The following NEK5 variants were observed in gnomAD, a reference collection of about 807,000 sequenced individuals.
NEK5 encodes serine/threonine-protein kinase Nek5.
NEK5 carries 88 observed loss-of-function variants against 109.2 expected under a neutral mutation model. The observed-to-expected ratio is 0.81, with a 90% CI of 0.68 to 0.96. The LOEUF (loss-of-function observed/expected upper bound fraction) is 0.96. NEK5 is among the 40% of genes least tolerant of loss of function. The pLI is 0.00. For synonymous variants in NEK5, 283 were observed against 299.9 expected (o/e 0.94, Z 0.58); for missense variants, 834 against 920.7 (o/e 0.91, Z 1.22).
intron 23 of NEK5, among the ~76,000 whole-genome samples, chr13:52,043,752 C>T (rs927206601): frequency 3.9e-5 from 6 of 151,954 alleles, no homozygotes; most frequent in Non-Finnish European, 8.8e-5. Flanking sequence ...CACTTCACAC[C>T]TAGTAGATGG....
chr13:52,112,517 C>T, intron 4 of NEK5, 152 bp from the exon 5 acceptor site: 1 of 535,430 alleles, frequency 1.9e-6, no homozygotes, highest in Non-Finnish European at 3.4e-6. Flanking sequence ...TTTAACTTCT[C>T]CGTGCCTCAT....
At chr13:52,099,715 A>T (rs780463540) in intron 12 of NEK5, 28 bp downstream of exon 12, 10 of 1,605,624 alleles carry the variant, frequency 6.2e-6, no homozygotes, top group Non-Finnish European at 8.5e-6. Flanking sequence ...TAGCTAAAAA[A>T]CACAAAGGAG....
At chr13:52,076,021 C>T in intron 18 of NEK5, 42 bp downstream of exon 18, 1 of 1,265,206 alleles carries the variant, frequency 7.9e-7, no homozygotes, top group Non-Finnish European at 1.1e-6. Flanking sequence ...GCTCCCCAGC[C>T]AGCTATTTAA....
intron 13 of NEK5, 136 bp from the exon 14 acceptor site, chr13:52,089,449 C>G (rs1955229693): frequency 3.3e-6 from 2 of 600,444 alleles, no homozygotes; most frequent in South Asian, 2.2e-5. Flanking sequence ...AGAAGTAGTT[C>G]ACAGTTACAG....
chr13:52,040,745 TCCCTCC>T (rs1301940302), intron 23 of NEK5, among the ~76,000 whole-genome samples: 1 of 152,158 alleles, frequency 6.6e-6, no homozygotes, highest in Admixed American at 6.5e-5. Flanking sequence ...CCAACATTTA[TCCCTCC>T]AGAATGTCTT....
At chr13:52,117,322 C>T (rs1242544731) in intron 4 of NEK5, among the ~76,000 whole-genome samples, 1 of 152,168 alleles carries the variant, frequency 6.6e-6, no homozygotes, top group Non-Finnish European at 1.5e-5. Context: ...CTCTAAAAGA[C>T]AGAGGCTACA....
intron 23 of NEK5, among the ~76,000 whole-genome samples, chr13:52,047,699 G>A (rs1954471289): frequency 6.6e-6 from 1 of 151,698 alleles, no homozygotes; most frequent in African/African-American, 2.4e-5. Flanking sequence ...AAATTAGCCG[G>A]CCATGGTGGC....
intron 9 of NEK5, among the ~76,000 whole-genome samples, chr13:52,102,986 T>C (rs550786695): frequency 1.3e-5 from 2 of 152,368 alleles, no homozygotes; most frequent in African/African-American, 2.4e-5. Flanking sequence ...TGAGGTCATA[T>C]TGATATGAAA....
intron 3 of NEK5, among the ~76,000 whole-genome samples, chr13:52,121,184 G>A (rs1955963005): frequency 7.0e-6 from 1 of 143,832 alleles, no homozygotes; most frequent in African/African-American, 2.5e-5. Context: ...TTTAAGACAA[G>A]GTCTTGCTCT....
Position 52,065,489 on chromosome 13 carries a change from G to T in NEK5, c.1970C>A (p.Pro657His), listed in dbSNP as rs1954671897. The T allele has an allele frequency of 6.2e-7, 1 of 1,614,060 alleles. No individual in the cohort carries two copies. Among genetic ancestry groups the T allele is most frequent in the Non-Finnish European group, 8.5e-7 (1 of 1,179,870 alleles). ...ADITSTCPTG[P>H]DNGQVIVIEG... ...GACGCTAAGCACAGACTCACTGTCA[G>T]GCCCCGTGGGGCAGGTGGAGGTGAT... Residue 657 changes from proline (P) to histidine (H), a missense_variant, in exon 21 of 24, where the codon CCT becomes CAT. By Grantham distance (77) the Pro-to-His change is moderately conservative. Around this residue, in one of 2 missense-constraint regions of NEK5, gnomAD observed 777 missense variants for 824.7 expected, o/e 0.94. Coordinates refer to ENST00000684899, the MANE Select transcript of NEK5 (RefSeq NM_001365552.1).
At chr13:52,099,514 A>C (rs754085710) in intron 12 of NEK5, among the ~76,000 whole-genome samples, 2 of 152,202 alleles carry the variant, frequency 1.3e-5, no homozygotes, top group African/African-American at 2.4e-5. Context: ...TACCAAAAAT[A>C]CAAAAATTAG....
chr13:52,081,871 G>A (rs1172252603), intron 17 of NEK5, among the ~76,000 whole-genome samples: 10 of 152,156 alleles, frequency 6.6e-5, no homozygotes, highest in East Asian at 1.9e-4. Flanking sequence ...CATCTGAGCC[G>A]TGTTTTTATG....
rs560207979 is a variant in NEK5 at position 52,067,840 on chromosome 13, C to A, written c.1850-2231G>T. ...CCAAGTAGCTGAGATTACAGGTGTG[C>A]ACCACCACACCTGGCTAATTTTTGT... On this transcript the variant is annotated intron_variant, in intron 20 of 23. Transcript: ENST00000684899. Among the ~76,000 whole-genome samples, 20 of 152,074 alleles carry A rather than the reference C, an allele frequency of 1.3e-4. No homozygotes were observed. The East Asian group carries it at 1.7e-3, about 13-fold the overall frequency.
chr13:52,074,622 T>C lies in NEK5; in HGVS notation c.1722+1136A>G, dbSNP rs993522705. Among the ~76,000 whole-genome samples, 14 of 152,116 alleles carry C rather than the reference T, an allele frequency of 9.2e-5. No individual in the cohort carries two copies. In the South Asian group the frequency reaches 2.7e-3, roughly 29 times the overall value. On this transcript the variant is annotated intron_variant, in intron 19 of 23. Coordinates refer to ENST00000684899, the MANE Select transcript of NEK5 (RefSeq NM_001365552.1). ...AAAAGCAATTGCAACAAAAACAAAA[T>C]TGACAAGTGGAACCTAATTAAACTA...
rs1279525874 is a variant in NEK5, at chr13:52,065,555, C to T, written c.1904G>A (p.Gly635Glu). Residue 635 changes from glycine to glutamate, a missense_variant, in exon 21 of 24, where the codon GGA becomes GAA. Physicochemically the swap from Gly to Glu is moderately conservative, Grantham distance 98. Around this residue, in one of 2 missense-constraint regions of NEK5, gnomAD observed 777 missense variants for 824.7 expected, o/e 0.94. Transcript: ENST00000684899. ...AVGNRRQWDGGAPQTLLQMMA... is the reference protein window; with the variant it reads ...AVGNRRQWDGEAPQTLLQMMA... ...CATCTGCAGCAGAGTCTGAGGCGCTCCTCCATCCCACTGCCTCCTGTTTCC... is the reference window on the plus strand; with the variant it reads ...CATCTGCAGCAGAGTCTGAGGCGCTTCTCCATCCCACTGCCTCCTGTTTCC... The T allele has an allele frequency of 1.9e-6, 3 of 1,614,094 alleles. No homozygotes were observed. The highest frequency in any genetic ancestry group is 4.5e-5 in the East Asian group (2 of 44,888).
At chr13:52,039,531 G>A (rs1050039030) in intron 23 of NEK5, among the ~76,000 whole-genome samples, 1 of 152,134 alleles carries the variant, frequency 6.6e-6, no homozygotes, top group Non-Finnish European at 1.5e-5. Context: ...TTATTTCCCA[G>A]ATATGATGAT....
At chr13:52,080,616 A>G (rs1954987086) in intron 17 of NEK5, among the ~76,000 whole-genome samples, 1 of 152,182 alleles carries the variant, frequency 6.6e-6, no homozygotes, top group African/African-American at 2.4e-5. Flanking sequence ...CCTCTGAAAC[A>G]TGTGCTGTGT....
At chr13:52,050,969 C>T (rs943295068) in intron 22 of NEK5, among the ~76,000 whole-genome samples, 1 of 151,484 alleles carries the variant, frequency 6.6e-6, no homozygotes, top group Non-Finnish European at 1.5e-5. Flanking sequence ...CCACCTGCCT[C>T]GGCCTCCCAA....
At chr13:52,050,051 A>T in intron 23 of NEK5, 53 bp downstream of exon 23, 2 of 648,728 alleles carry the variant, frequency 3.1e-6, no homozygotes, top group Non-Finnish European at 3.8e-6. Context: ...CAACTGCAGC[A>T]TTTTCACTTT....
Sources: gnomAD v4.1 joint callset for allele counts (sites outside exome capture counted in the v4.1 genomes callset) on GRCh38, gnomAD v4.1.1 for gene constraint, gnomAD v4.1.1 regional missense constraint, MANE v1.5 for transcripts, NCBI Gene and HGNC (gene_info 2026-07-23, HGNC 2026-07-21) for gene names.